EP400: variants seen among roughly 807,000 people sequenced by gnomAD.
EP400 encodes the protein E1A binding protein p400.
In EP400, 105 loss-of-function variants were observed where a neutral mutation model predicts 354.1. The observed-to-expected ratio is 0.30, with a 90% CI of 0.25 to 0.35. The LOEUF is 0.35. Ranked by LOEUF, EP400 falls within the 10% of genes least tolerant of loss-of-function variation. EP400 has a pLI of 1.00. For missense variants in EP400, 3,280 were observed against 4,121.0 expected (o/e 0.80, Z 5.59); for synonymous variants, 1,646 against 1,716.9 (o/e 0.96, Z 1.02).
In EP400 at chr12:132,037,963, A is replaced by G. The variant is rs750439994; in HGVS notation, c.6074A>G (p.Gln2025Arg). The change falls in exon 32 of 53, where the codon CAG becomes CGG. Residue 2025 changes from glutamine to arginine, a missense_variant. Physicochemically the swap from Gln to Arg is conservative, Grantham distance 43. Coordinates refer to ENST00000389561, the MANE Select transcript of EP400 (RefSeq NM_015409.5). The part of the protein sequence containing the change: ...SMAFLTQRTI[Q>R]ELFEVYSPMD... ...CATCTCTGTGTTCAGCGAACCATCC[A>G]GGAGCTGTTTGAAGTTTATTCTCCC... The G allele has an allele frequency of 3.1e-6, 5 of 1,614,122 alleles. No individual in the cohort carries two copies. In the African/African-American group the frequency reaches 6.7e-5, roughly 22 times the overall value.
In EP400 at chr12:132,018,916, G is replaced by A. The variant is rs1894030662; in HGVS notation, c.4277+540G>A. On this transcript the variant is annotated intron_variant, in intron 21 of 52. Transcript: ENST00000389561. This position sits in a 1 kb window ranked among gnomAD's most constrained non-coding sequence, Gnocchi z 4.0. ...ATGCTTGGGTTAAAAAGAAAGGAAA[G>A]GAAAGGAAATAGGTATTTGGAGATG... is the stretch of plus-strand genomic sequence containing the variant. Among the ~76,000 whole-genome samples the A allele has an allele frequency of 6.6e-6, 1 of 152,212 alleles. No individual in the cohort carries two copies. The highest frequency in any genetic ancestry group is 6.5e-5 in the Admixed American group (1 of 15,284).
chr12:132,054,689 TG>T lies in EP400; in HGVS notation c.7729-283del, dbSNP rs1895422014. On this transcript the variant is annotated intron_variant, in intron 43 of 52. Coordinates refer to ENST00000389561, the MANE Select transcript of EP400 (RefSeq NM_015409.5). This position sits in a 1 kb window ranked among gnomAD's most constrained non-coding sequence, Gnocchi z 4.0. ...TGGTGAGGGACAGAGGGTGGATGAATGGAGTGGAGGGACGGAGGAGTGGAGG... is the reference window on the plus strand; with the variant it reads ...TGGTGAGGGACAGAGGGTGGATGAATGAGTGGAGGGACGGAGGAGTGGAGG... Among the ~76,000 whole-genome samples the T allele has an allele frequency of 6.6e-6, 1 of 150,668 alleles. No homozygotes were observed. The highest frequency in any genetic ancestry group is 1.5e-5 in the Non-Finnish European group (1 of 67,672).
At chr12:131,997,657 CA>C (rs912890184) in intron 12 of EP400, among the ~76,000 whole-genome samples, 1 of 150,898 alleles carries the variant, frequency 6.6e-6, no homozygotes, top group African/African-American at 2.4e-5. Flanking sequence ...AGAGAAAATA[CA>C]TTTACTATTT....
chr12:132,030,552 T>C (rs903892896), intron 29 of EP400, among the ~76,000 whole-genome samples: 6 of 152,196 alleles, frequency 3.9e-5, no homozygotes, highest in African/African-American at 1.4e-4. Flanking sequence ...TCAGGCACAG[T>C]GAGTCAGACA....
chr12:132,057,917 A>T (rs1895564697), intron 45 of EP400, among the ~76,000 whole-genome samples: 1 of 152,186 alleles, frequency 6.6e-6, no homozygotes, highest in Non-Finnish European at 1.5e-5. Context: ...GTGGCTCTTA[A>T]TGGACAAGAC....
At chr12:132,020,453 G>A (rs1246629361) in intron 22 of EP400, among the ~76,000 whole-genome samples, 1 of 152,206 alleles carries the variant, frequency 6.6e-6, no homozygotes, top group African/African-American at 2.4e-5. Context: ...GATAAGTGTT[G>A]ATCTGATGCT....
At chr12:132,004,147 C>T (rs1893505672) in intron 12 of EP400, among the ~76,000 whole-genome samples, 1 of 152,222 alleles carries the variant, frequency 6.6e-6, no homozygotes, top group Non-Finnish European at 1.5e-5. Context: ...AGCCCTTCAG[C>T]TTTCCGTGTT....
chr12:131,991,493 A>C, intron 10 of EP400, 37 bp downstream of exon 10: 1 of 1,602,940 alleles, frequency 6.2e-7, no homozygotes, highest in South Asian at 1.1e-5. Context: ...TGTGAGAAGG[A>C]GTAGAAGCAG....
intron 10 of EP400, 91 bp from the exon 11 acceptor site, chr12:131,992,082 C>T (rs1465058748): frequency 2.1e-6 from 3 of 1,434,726 alleles, no homozygotes; most frequent in Non-Finnish European, 2.9e-6. Context: ...CCCCGGGGCT[C>T]CCCCAACCTG....
chr12:132,036,215 G>T (rs1469256253), intron 30 of EP400, among the ~76,000 whole-genome samples: 2 of 147,758 alleles, frequency 1.4e-5, no homozygotes, highest in Non-Finnish European at 3.0e-5. Flanking sequence ...ACACAGCCAG[G>T]TTCACGCGGA....
Position 132,029,611 on chromosome 12 carries a change from TCAGAAGTCTGC to T in EP400, c.5382-88_5382-78del. 1.4e-6 allele frequency: 2 copies of T among 1,416,210 alleles called. No individual in the cohort carries two copies. Among genetic ancestry groups the T allele is most frequent in the Non-Finnish European group, 2.0e-6 (2 of 1,021,920 alleles). 87.7% of individuals were successfully genotyped at this position (1,416,210 alleles called of 1,614,324 possible). On this transcript the variant is annotated intron_variant, in intron 27 of 52. Coordinates refer to ENST00000389561, the MANE Select transcript of EP400 (RefSeq NM_015409.5). The surrounding 1 kb of genome is among the most constrained non-coding windows in gnomAD (Gnocchi z 4.7). ...CTGCTGTTTCCTGGGACTTGGACTG[TCAGAAGTCTGC>T]CCCATCTTTCAGGAGCCCCCATGCT... is the stretch of plus-strand genomic sequence containing the variant.
chr12:132,020,889 A>G (rs1001933498), intron 22 of EP400, among the ~76,000 whole-genome samples, 190 bp from the exon 23 acceptor site: 4 of 152,268 alleles, frequency 2.6e-5, no homozygotes, highest in Non-Finnish European at 5.9e-5. Flanking sequence ...GAAGATAATT[A>G]TCAACAAGTA....
rs564745657 is a variant in EP400 at position 132,079,540 on chromosome 12, C to G, written c.*1867C>G. On this transcript the variant is annotated 3_prime_UTR_variant, in exon 53 of 53. Coordinates refer to ENST00000389561, the MANE Select transcript of EP400 (RefSeq NM_015409.5). ...TGTGTGCCCTGTTCATTTTTTTTGT[C>G]TTTCCCAAATCTTGGTAGTCTCCTT... 1 of 152,226 alleles carries G rather than the reference C, an allele frequency of 6.6e-6. No individual in the cohort carries two copies. The highest frequency in any genetic ancestry group is 2.4e-5 in the African/African-American group (1 of 41,554). The allele number at this position is 152,226 out of a possible 1,614,324, so 9.4% of individuals were successfully genotyped here.
chr12:132,041,091 C>T (rs1174358724), intron 32 of EP400, among the ~76,000 whole-genome samples: 1 of 152,190 alleles, frequency 6.6e-6, no homozygotes, highest in Non-Finnish European at 1.5e-5. Flanking sequence ...GCTTGACCGG[C>T]CCCTGGGGAC....
At chr12:132,071,986 T>C (rs1565936985) in intron 51 of EP400, among the ~76,000 whole-genome samples, 3 of 152,364 alleles carry the variant, frequency 2.0e-5, no homozygotes, top group Non-Finnish European at 4.4e-5. Context: ...AATCTTGTGA[T>C]GTTCAATCAT....
intron 1 of EP400, among the ~76,000 whole-genome samples, chr12:131,953,817 A>G (rs758190652): frequency 2.6e-5 from 4 of 152,214 alleles, no homozygotes; most frequent in Non-Finnish European, 5.9e-5. Context: ...AGAGATTGAA[A>G]GAATTTTGTG....
At chr12:132,006,401 T>C (rs939717609) in intron 14 of EP400, 99 bp downstream of exon 14, 29 of 1,362,528 alleles carry the variant, frequency 2.1e-5, no homozygotes, top group Non-Finnish European at 2.9e-5. Context: ...TGAAATGGTC[T>C]ATCCCAACTG....
Position 132,012,985 on chromosome 12 carries a change from T to C in EP400, c.3442-24T>C, listed in dbSNP as rs199862172. The stretch of plus-strand genomic sequence containing the variant: ...GAAAGACAGTGGAGTGTGAAGGCAC[T>C]GAGCTGTCCTCTCTGTGCTGCAGGA... On this transcript the variant is annotated intron_variant, in intron 16 of 52. Coordinates refer to ENST00000389561, the MANE Select transcript of EP400 (RefSeq NM_015409.5). The C allele has an allele frequency of 5.2e-4, 810 of 1,568,860 alleles. 1 individual carries two copies. The highest frequency in any genetic ancestry group is 6.1e-4 in the Non-Finnish European group (708 of 1,153,444).
Position 131,961,947 on chromosome 12 carries a change from A to G in EP400, c.1328A>G (p.Asn443Ser), listed in dbSNP as rs750052509. The G allele has an allele frequency of 1.9e-6, 3 of 1,611,102 alleles. No homozygotes were observed. Among genetic ancestry groups the G allele is most frequent in the South Asian group, 2.2e-5 (2 of 90,994 alleles). ...EEEEEKSEVI[N>S]DEQQALAGSL... is the part of the protein sequence containing the mutation. Reference sequence around the variant, plus strand: ...GAGGAAGAAAAATCTGAGGTTATCAATGACGAGGTAAGAAACAGGAGTTAA... The same window carrying G: ...GAGGAAGAAAAATCTGAGGTTATCAGTGACGAGGTAAGAAACAGGAGTTAA... Residue 443 changes from asparagine to serine, a missense_variant, in exon 2 of 53, where the codon AAT becomes AGT. Around this residue, in one of 20 missense-constraint regions of EP400, gnomAD observed 800 missense variants for 840.0 expected, o/e 0.95. Coordinates refer to ENST00000389561, the MANE Select transcript of EP400 (RefSeq NM_015409.5).
Sources: allele counts gnomAD v4.1 joint callset (sites outside exome capture counted in the v4.1 genomes callset), GRCh38; gene constraint gnomAD v4.1.1; regional missense constraint gnomAD v4.1.1; non-coding constraint Gnocchi (gnomAD v3.1); transcripts MANE v1.5; gene names NCBI Gene and HGNC (gene_info 2026-07-23, HGNC 2026-07-21).